The following OR1L6 variants were observed in gnomAD, a reference collection of about 807,000 sequenced individuals.
The protein encoded by OR1L6 is olfactory receptor 1L6.
A neutral mutation model predicts 3.0 loss-of-function variants in OR1L6; 2 were observed. That is an observed-to-expected ratio of 0.68 (90% CI 0.28 to 2.13). OR1L6 has a LOEUF of 2.13. Among genes scored for constraint, OR1L6 ranks in the 30% most tolerant of loss-of-function variants. The probability of loss-of-function intolerance (pLI) is 0.14; values close to 1 mark genes in which losing one functional copy is unlikely to be tolerated. For missense variants in OR1L6, 304 were observed against 378.4 expected (o/e 0.80, Z 1.63); for synonymous variants, 121 against 148.4 (o/e 0.82, Z 1.34).
chr9:122,743,261 C>A (rs1373229312), intron 1 of OR1L6, among the ~76,000 whole-genome samples: 1 of 152,112 alleles, frequency 6.6e-6, no homozygotes, highest in Non-Finnish European at 1.5e-5. Flanking sequence ...AGAAGAAAGA[C>A]AGAAACAAAA....
rs117703463 is a variant in OR1L6 at position 122,750,664 on chromosome 9, C to T, written c.817C>T (p.Arg273Trp). The change falls in exon 2 of 2, where the codon CGG becomes TGG. Residue 273 changes from arginine (R) to tryptophan (W), a missense_variant. Physicochemically the swap from Arg to Trp is moderately radical, Grantham distance 101 (BLOSUM62 -3). Coordinates refer to ENST00000304720, the MANE Select transcript of OR1L6 (RefSeq NM_001004453.3). ...PLSMYSVVRD[R>W]VATVMYTVVT... Reference sequence around the variant, plus strand: ...GTCCATGTACTCAGTGGTTAGGGACCGGGTAGCCACAGTTATGTACACAGT... The same window carrying T: ...GTCCATGTACTCAGTGGTTAGGGACTGGGTAGCCACAGTTATGTACACAGT... 0.014 allele frequency: 22,971 copies of T among 1,613,992 alleles called. 236 individuals carry two copies. The highest frequency in any genetic ancestry group is 0.026 in the South Asian group (2,331 of 91,068).
rs763531690 is a variant in OR1L6 at position 122,750,066 on chromosome 9, C to T, written c.219C>T (p.Cys73=). 2.5e-6 allele frequency: 4 copies of T among 1,614,174 alleles called. No individual in the cohort carries two copies. The highest frequency in any genetic ancestry group is 1.7e-5 in the Admixed American group (1 of 60,018). Residue 73 remains cysteine, a synonymous_variant, in exon 2 of 2, where the codon TGC becomes TGT. Transcript: ENST00000304720. ...GCAACTTGTCTTTCATGGATATCTG[C>T]TTCACAACAGTCATAGTGCCTAAGA... ...FLSNLSFMDI[C]FTTVIVPKML...
intron 1 of OR1L6, among the ~76,000 whole-genome samples, chr9:122,744,859 G>A (rs1296463505): frequency 6.6e-6 from 1 of 152,214 alleles, no homozygotes; most frequent in African/African-American, 2.4e-5. Flanking sequence ...CCCGAGGCAT[G>A]AGGAAAATAC....
At chr9:122,745,069 C>T (rs1412427144) in intron 1 of OR1L6, among the ~76,000 whole-genome samples, 1 of 152,182 alleles carries the variant, frequency 6.6e-6, no homozygotes, top group African/African-American at 2.4e-5. Flanking sequence ...TAAATAAGTA[C>T]ATTGCCTAAG....
chr9:122,745,845 C>A lies in OR1L6; in HGVS notation c.-14+3472C>A, dbSNP rs915463729. ...CACAACAAACACATTAAAAAAAATA[C>A]TTTTCTTTACAAAAATGAGATTATT... On this transcript the variant is annotated intron_variant, in intron 1 of 1. Transcript: ENST00000304720. Among the ~76,000 whole-genome samples, 3 of 152,134 alleles carry A rather than the reference C, an allele frequency of 2.0e-5. No individual in the cohort carries two copies. The South Asian group carries it at 6.2e-4, about 32-fold the overall frequency.
At position 122,748,401 on chromosome 9, in the gene OR1L6, C is replaced by CA. The variant is rs370836654; in HGVS notation, c.-13-1423dup. 2.8e-3 allele frequency among the ~76,000 whole-genome samples: 373 copies of CA among 134,922 alleles called. 3 individuals are homozygous for CA. Among genetic ancestry groups the CA allele is most frequent in the African/African-American group, 8.9e-3 (327 of 36,590 alleles). 88.5% of individuals were successfully genotyped at this position (134,922 alleles called of 152,430 possible). On this transcript the variant is annotated intron_variant, in intron 1 of 1. Transcript: ENST00000304720. Reference sequence around the variant, plus strand: ...GACCCAGAAACCACTTCCTCTGGAACAAAAAAAAAAAGAAGCTAAGAAGTT... The same window carrying CA: ...GACCCAGAAACCACTTCCTCTGGAACAAAAAAAAAAAAGAAGCTAAGAAGTT...
chr9:122,747,555 T>C (rs1434261559), intron 1 of OR1L6, among the ~76,000 whole-genome samples: 1 of 152,068 alleles, frequency 6.6e-6, no homozygotes, highest in Non-Finnish European at 1.5e-5. Context: ...TTGATACAAA[T>C]ATCTCTGTTT....
At chr9:122,745,666 C>T (rs1828829798) in intron 1 of OR1L6, among the ~76,000 whole-genome samples, 1 of 151,906 alleles carries the variant, frequency 6.6e-6, no homozygotes, top group Non-Finnish European at 1.5e-5. Context: ...CCCGCCTCGG[C>T]CTCCCAAAGT....
At position 122,750,640 on chromosome 9, in the gene OR1L6, T is replaced by G; in HGVS notation, c.793T>G (p.Ser265Ala). Residue 265 changes from serine (S) to alanine (A), a missense_variant, in exon 2 of 2, where the codon TCC becomes GCC. By Grantham distance (99) the Ser-to-Ala change is moderately conservative. Around this residue, in one of 3 missense-constraint regions of OR1L6, gnomAD observed 91 missense variants for 87.8 expected, o/e 1.04. Coordinates refer to ENST00000304720, the MANE Select transcript of OR1L6 (RefSeq NM_001004453.3). Reference protein sequence around the residue: ...SIIYVYFRPLSMYSVVRDRVA... With the variant: ...SIIYVYFRPLAMYSVVRDRVA... ...TATTTATGTCTATTTTAGGCCCCTGTCCATGTACTCAGTGGTTAGGGACCG... is the reference window on the plus strand; with the variant it reads ...TATTTATGTCTATTTTAGGCCCCTGGCCATGTACTCAGTGGTTAGGGACCG... 6.2e-7 allele frequency: 1 copy of G among 1,614,186 alleles called. No homozygotes were observed. The highest frequency in any genetic ancestry group is 1.1e-5 in the South Asian group (1 of 91,080).
At chr9:122,749,468 T>G (rs1174434641) in intron 1 of OR1L6, among the ~76,000 whole-genome samples, 3 of 152,220 alleles carry the variant, frequency 2.0e-5, no homozygotes, top group African/African-American at 4.8e-5. Context: ...TGTTGGATTT[T>G]TACTACCTGT....
At chr9:122,745,408 C>CTTTTTTTTTTTT in intron 1 of OR1L6, among the ~76,000 whole-genome samples, 1 of 87,700 alleles carries the variant, frequency 1.1e-5, no homozygotes, top group African/African-American at 4.6e-5. Context: ...ATAAACACAC[C>CTTTTTTTTTTTT]TTTTTTTTTT....
intron 1 of OR1L6, among the ~76,000 whole-genome samples, chr9:122,745,833 T>C (rs926630432): frequency 2.6e-5 from 4 of 152,116 alleles, no homozygotes; most frequent in Non-Finnish European, 5.9e-5. Flanking sequence ...AACAAACACA[T>C]TAAAAAAAAT....
At chr9:122,748,982 T>C (rs1828862977) in intron 1 of OR1L6, among the ~76,000 whole-genome samples, 1 of 152,198 alleles carries the variant, frequency 6.6e-6, no homozygotes, top group Admixed American at 6.5e-5. Flanking sequence ...CCACTTCTTT[T>C]ATTCATTCAT....
At chr9:122,742,515 C>A (rs1007969858) in intron 1 of OR1L6, 142 bp downstream of exon 1, 3 of 152,228 alleles carry the variant, frequency 2.0e-5, no homozygotes, top group Non-Finnish European at 4.4e-5. Context: ...TTTTTCCTCT[C>A]TCTCTTTTTG....
At chr9:122,746,215 C>T (rs566886191) in intron 1 of OR1L6, among the ~76,000 whole-genome samples, 27 of 152,316 alleles carry the variant, frequency 1.8e-4, no homozygotes, top group African/African-American at 6.5e-4. Context: ...TCCAGCTCTA[C>T]CACTTACTCC....
intron 1 of OR1L6, 93 bp from the exon 2 acceptor site, chr9:122,749,742 G>A: frequency 8.7e-7 from 1 of 1,154,514 alleles, no homozygotes. Context: ...AAAGGGCTAT[G>A]AGCTATTTTT....
Position 122,750,606 on chromosome 9 carries a change from T to C in OR1L6, c.759T>C (p.Tyr253=). 1 of 1,614,166 alleles carries C rather than the reference T, an allele frequency of 6.2e-7. No individual in the cohort carries two copies. Among genetic ancestry groups the C allele is most frequent in the Admixed American group, 1.7e-5 (1 of 60,014 alleles). The part of the protein sequence containing the change: ...GSHLTAVALF[Y]GSIIYVYFRP... ...ACCTCACTGCAGTAGCCCTTTTCTA[T>C]GGGAGTATTATTTATGTCTATTTTA... The change falls in exon 2 of 2, where the codon TAT becomes TAC. Residue 253 remains tyrosine (Y), a synonymous_variant. Coordinates refer to ENST00000304720, the MANE Select transcript of OR1L6 (RefSeq NM_001004453.3).
At chr9:122,749,309 A>G (rs1828866212) in intron 1 of OR1L6, among the ~76,000 whole-genome samples, 1 of 151,966 alleles carries the variant, frequency 6.6e-6, no homozygotes, top group Non-Finnish European at 1.5e-5. Flanking sequence ...TTCTACGTTG[A>G]TAGGGATTAT....
chr9:122,743,541 T>C (rs1168359529), intron 1 of OR1L6, among the ~76,000 whole-genome samples: 1 of 152,172 alleles, frequency 6.6e-6, no homozygotes, highest in Non-Finnish European at 1.5e-5. Flanking sequence ...GTAGGGGGTC[T>C]ATGCACCCAA....
Sources: allele counts gnomAD v4.1 joint callset (sites outside exome capture counted in the v4.1 genomes callset), GRCh38; gene constraint gnomAD v4.1.1; regional missense constraint gnomAD v4.1.1; transcripts MANE v1.5; gene names NCBI Gene and HGNC (gene_info 2026-07-23, HGNC 2026-07-21).